VOPP1: variants seen among roughly 807,000 people sequenced by gnomAD.
The protein encoded by VOPP1 is VOPP1 WW domain binding protein.
VOPP1 carries 8 observed loss-of-function variants against 23.5 expected under a neutral mutation model. The observed-to-expected ratio is 0.34, with a 90% CI of 0.20 to 0.61. VOPP1 has a LOEUF of 0.61. Among genes scored for constraint, VOPP1 ranks in the 20% least tolerant of loss-of-function variants. The pLI, the probability that VOPP1 is intolerant of heterozygous loss-of-function variation, is 0.78. For synonymous variants in VOPP1, 83 were observed against 97.3 expected (o/e 0.85, Z 0.86); for missense variants, 174 against 238.1 (o/e 0.73, Z 1.77).
intron 4 of VOPP1, among the ~76,000 whole-genome samples, chr7:55,442,810 C>T (rs62457877): frequency 0.16 from 23,853 of 152,152 alleles, 2,101 homozygotes; most frequent in Middle Eastern, 0.29. Flanking sequence ...AAAAACGACA[C>T]GGTTTCTTTG....
At chr7:55,549,711 G>C (rs1442168270) in intron 1 of VOPP1, among the ~76,000 whole-genome samples, 1 of 152,154 alleles carries the variant, frequency 6.6e-6, no homozygotes, top group African/African-American at 2.4e-5. Flanking sequence ...GCTCATCTAA[G>C]CTCATCTACA....
At chr7:55,495,198 A>C (rs1442722003) in intron 3 of VOPP1, among the ~76,000 whole-genome samples, 1 of 151,634 alleles carries the variant, frequency 6.6e-6, no homozygotes, top group African/African-American at 2.4e-5. Flanking sequence ...GCTAGTTCTC[A>C]CTCGGGCCCA....
intron 3 of VOPP1, among the ~76,000 whole-genome samples, chr7:55,495,685 A>AT (rs2129022520): frequency 6.6e-6 from 1 of 152,336 alleles, no homozygotes; most frequent in Non-Finnish European, 1.5e-5. Flanking sequence ...AAGCCTCTCC[A>AT]TAAAACCCCA....
chr7:55,461,561 G>A (rs904721244), intron 4 of VOPP1, among the ~76,000 whole-genome samples: 6 of 152,090 alleles, frequency 3.9e-5, no homozygotes, highest in Non-Finnish European at 8.8e-5. Flanking sequence ...GGGATTACAG[G>A]CATGTGCCAC....
Position 55,497,599 on chromosome 7 carries a change from G to A in VOPP1, c.191+14C>T, listed in dbSNP as rs754091209. 5.1e-6 allele frequency: 8 copies of A among 1,576,618 alleles called. No homozygotes were observed. Among genetic ancestry groups the A allele is most frequent in the South Asian group, 1.1e-5 (1 of 90,398 alleles). Reference sequence around the variant, plus strand: ...AGCTCTCGGGGTAGGGAACAAGGAGGAGTTGTGACCTACCAGAAGTACCAC... The same window carrying A: ...AGCTCTCGGGGTAGGGAACAAGGAGAAGTTGTGACCTACCAGAAGTACCAC... On this transcript the variant is annotated intron_variant, in intron 3 of 4. Coordinates refer to ENST00000285279, the MANE Select transcript of VOPP1 (RefSeq NM_030796.5).
chr7:55,533,669 A>G (rs912298277), intron 1 of VOPP1, among the ~76,000 whole-genome samples: 4 of 152,012 alleles, frequency 2.6e-5, no homozygotes, highest in Non-Finnish European at 5.9e-5. Context: ...CCCTCATACT[A>G]CCCACCAAAG....
At chr7:55,483,792 C>T (rs1427810855) in intron 4 of VOPP1, among the ~76,000 whole-genome samples, 3 of 152,224 alleles carry the variant, frequency 2.0e-5, no homozygotes, top group South Asian at 2.1e-4. Flanking sequence ...GATGGAATTT[C>T]GCTCTTGTTG....
intron 4 of VOPP1, among the ~76,000 whole-genome samples, chr7:55,460,420 CTAAAATCCAGT>C (rs1239961009): frequency 6.6e-6 from 1 of 152,102 alleles, no homozygotes; most frequent in African/African-American, 2.4e-5. Context: ...TCTGTTCTTA[CTAAAATCCAGT>C]TAAAATCCAA....
chr7:55,503,135 T>G (rs1202537864), intron 2 of VOPP1, among the ~76,000 whole-genome samples: 1 of 152,192 alleles, frequency 6.6e-6, no homozygotes, highest in African/African-American at 2.4e-5. Context: ...TAGTCCACTC[T>G]GAGCAGCTGC....
chr7:55,464,249 G>A (rs1367270705), intron 4 of VOPP1, among the ~76,000 whole-genome samples: 1 of 152,192 alleles, frequency 6.6e-6, no homozygotes, highest in African/African-American at 2.4e-5. Flanking sequence ...ACATGCATTA[G>A]TGTGGGCAGA....
Position 55,538,487 on chromosome 7 carries a change from T to C in VOPP1, c.55-17357A>G, listed in dbSNP as rs150870170. 5.3e-5 allele frequency: 42 copies of C among 787,038 alleles called. No homozygotes were observed. In the African/African-American group the frequency reaches 5.9e-4, roughly 11 times the overall value. The allele number at this position is 787,038 out of a possible 1,614,324, so 48.8% of individuals were successfully genotyped here. Reference sequence around the variant, plus strand: ...TAAACACAAGCCCTTCCTGCCAGGCTACACAAACCACACAAAAAGAACAAC... The same window carrying C: ...TAAACACAAGCCCTTCCTGCCAGGCCACACAAACCACACAAAAAGAACAAC... On this transcript the variant is annotated intron_variant, in intron 1 of 4. Coordinates refer to ENST00000285279, the MANE Select transcript of VOPP1 (RefSeq NM_030796.5).
At chr7:55,545,181 C>T (rs1315757993) in intron 1 of VOPP1, among the ~76,000 whole-genome samples, 1 of 152,174 alleles carries the variant, frequency 6.6e-6, no homozygotes, top group Non-Finnish European at 1.5e-5. Context: ...CATTTATATA[C>T]ATATATTACT....
chr7:55,558,043 C>T (rs575236668), intron 1 of VOPP1, among the ~76,000 whole-genome samples: 16 of 152,186 alleles, frequency 1.1e-4, no homozygotes, highest in Non-Finnish European at 1.9e-4. Context: ...GGTGGAATGG[C>T]GTTGCGTGGG....
intron 4 of VOPP1, among the ~76,000 whole-genome samples, chr7:55,482,537 TAGTC>T (rs747696428): frequency 2.0e-5 from 3 of 150,738 alleles, no homozygotes; most frequent in East Asian, 3.9e-4. Context: ...TTCACCGTGT[TAGTC>T]AGGGAGGTAG....
At chr7:55,537,573 G>T in intron 1 of VOPP1, 1 of 1,535,962 alleles carries the variant, frequency 6.5e-7, no homozygotes, top group East Asian at 2.4e-5. Context: ...TCGCCAGCCA[G>T]TCGCCCACGG....
chr7:55,467,935 T>C (rs752627838), downstream of VOPP1, among the ~76,000 whole-genome samples: 13 of 152,246 alleles, frequency 8.5e-5, no homozygotes, highest in Non-Finnish European at 1.8e-4. Context: ...TTTTTCAGAA[T>C]ACGTACTGAA....
intron 2 of VOPP1, among the ~76,000 whole-genome samples, chr7:55,505,656 AGGGAGGGAGGGAGGGAGG>A (rs1562936438): frequency 1.9e-3 from 1 of 516 alleles, no homozygotes. Flanking sequence ...GAAGGAAGGG[AGGGAGGGAGGGAGGGAGG>A]GAGGGAGGGA....
At chr7:55,566,675 T>C (rs1023761537) in intron 1 of VOPP1, among the ~76,000 whole-genome samples, 2 of 152,264 alleles carry the variant, frequency 1.3e-5, no homozygotes, top group African/African-American at 4.8e-5. Flanking sequence ...CCGAACTTTT[T>C]TTCCACTTTG....
intron 4 of VOPP1, among the ~76,000 whole-genome samples, chr7:55,445,453 T>C (rs1234926650): frequency 6.6e-6 from 1 of 152,230 alleles, no homozygotes; most frequent in Non-Finnish European, 1.5e-5. Flanking sequence ...GATAATACTA[T>C]GTTGCATCCA....
Sources: gnomAD v4.1 joint callset for allele counts (sites outside exome capture counted in the v4.1 genomes callset) on GRCh38, gnomAD v4.1.1 for gene constraint, MANE v1.5 for transcripts, NCBI Gene and HGNC (gene_info 2026-07-23, HGNC 2026-07-21) for gene names.